Variants in JPH1 observed in about 807,000 individuals in gnomAD.
JPH1 encodes the protein junctophilin-1.
JPH1 carries 12 observed loss-of-function variants against 53.6 expected under a neutral mutation model. The ratio of observed to expected loss-of-function variants is 0.22; its 90% CI spans 0.14 to 0.36. The LOEUF (loss-of-function observed/expected upper bound fraction) is 0.36, where lower values mean the gene tolerates loss of function less well. Among genes scored for constraint, JPH1 ranks in the 10% least tolerant of loss-of-function variants. The pLI is 1.00. For missense variants in JPH1, 808 were observed against 905.5 expected (o/e 0.89, Z 1.38); for synonymous variants, 375 against 363.8 (o/e 1.03, Z -0.35).
chr8:74,252,999 C>T (rs1806111136), intron 3 of JPH1, among the ~76,000 whole-genome samples: 1 of 152,034 alleles, frequency 6.6e-6, no homozygotes, highest in Admixed American at 6.6e-5. Flanking sequence ...AGAAAGTCAA[C>T]AAGGATACCC....
rs1312461238 is a variant in JPH1, at chr8:74,320,118, C to T, written c.379+791G>A. On this transcript the variant is annotated intron_variant, in intron 1 of 5. Coordinates refer to ENST00000342232, the MANE Select transcript of JPH1 (RefSeq NM_020647.4). This position sits in a 1 kb window ranked among gnomAD's most constrained non-coding sequence, Gnocchi z 4.4. The stretch of plus-strand genomic sequence containing the variant: ...TGCTAACTTAGCAGCTATAGGAACA[C>T]ACCTGCTAATTGTATTCTTTAAAAT... Among the ~76,000 whole-genome samples, 1 of 152,210 alleles carries T rather than the reference C, an allele frequency of 6.6e-6. No homozygotes were observed. Among genetic ancestry groups the T allele is most frequent in the African/African-American group, 2.4e-5 (1 of 41,458 alleles).
At position 74,264,393 on chromosome 8, in the gene JPH1, CA is replaced by C. The variant is rs1447938743; in HGVS notation, c.1140-4891del. Among the ~76,000 whole-genome samples, 5 of 152,242 alleles carry C rather than the reference CA, an allele frequency of 3.3e-5. No individual in the cohort carries two copies. The East Asian group carries it at 9.6e-4, about 29-fold the overall frequency. ...CCTGGTTTAAAACAAGTTATATCAC[CA>C]GTGAATAAGTTGTCCTCTTTGCCAA... On this transcript the variant is annotated intron_variant, in intron 2 of 5. Transcript: ENST00000342232.
At position 74,273,897 on chromosome 8, in the gene JPH1, G is replaced by C. The variant is rs79490384; in HGVS notation, c.1140-14394C>G. On this transcript the variant is annotated intron_variant, in intron 2 of 5. Coordinates refer to ENST00000342232, the MANE Select transcript of JPH1 (RefSeq NM_020647.4). ...TTATGAAGGAGGTGTCTTATCTTCT[G>C]TTGTTACTTGAGCCTCTACAACCTC... Among the ~76,000 whole-genome samples the C allele has an allele frequency of 1.1e-3, 161 of 152,214 alleles. 1 individual carries two copies. The highest frequency in any genetic ancestry group is 9.0e-3 in the Admixed American group (137 of 15,284).
chr8:74,264,643 A>G (rs1318923386), intron 2 of JPH1, among the ~76,000 whole-genome samples: 1 of 152,220 alleles, frequency 6.6e-6, no homozygotes, highest in Non-Finnish European at 1.5e-5. Flanking sequence ...TGAAAGTATT[A>G]ATAGCCACAG....
At chr8:74,265,974 C>T (rs768797199) in intron 2 of JPH1, among the ~76,000 whole-genome samples, 3 of 150,672 alleles carry the variant, frequency 2.0e-5, no homozygotes, top group East Asian at 1.9e-4. Context: ...GAATAACAAG[C>T]GTTAGCAAGG....
rs759257064 is a variant in JPH1, at chr8:74,320,871, G to A, written c.379+38C>T. The A allele has an allele frequency of 3.4e-6, 5 of 1,478,900 alleles. No homozygotes were observed. Among genetic ancestry groups the A allele is most frequent in the Admixed American group, 4.9e-5 (2 of 41,156 alleles). The allele number at this position is 1,478,900 out of a possible 1,614,324, so 91.6% of individuals were successfully genotyped here. A position where few individuals can be genotyped will look rare whatever the true frequency, so the allele number is the denominator to read the frequency against. On this transcript the variant is annotated intron_variant, in intron 1 of 5. Coordinates refer to ENST00000342232, the MANE Select transcript of JPH1 (RefSeq NM_020647.4). The surrounding 1 kb of genome is among the most constrained non-coding windows in gnomAD (Gnocchi z 4.4). ...AGCCGGGGCAGAGCCCACCGCACCA[G>A]CTCGCGGAGCAGCCGAGCCGCCCGT...
chr8:74,309,752 T>C (rs16938866), intron 2 of JPH1, among the ~76,000 whole-genome samples: 4,450 of 152,212 alleles, frequency 0.029, 233 homozygotes, highest in African/African-American at 0.1. Context: ...GAATGAAAAC[T>C]GAATGCCTAA....
At chr8:74,298,855 G>T (rs758212119) in intron 2 of JPH1, among the ~76,000 whole-genome samples, 1 of 152,154 alleles carries the variant, frequency 6.6e-6, no homozygotes, top group Non-Finnish European at 1.5e-5. Flanking sequence ...GTAGAATGAA[G>T]GCACGAGAGA....
chr8:74,289,775 A>G (rs575063135), intron 2 of JPH1, among the ~76,000 whole-genome samples: 130 of 152,346 alleles, frequency 8.5e-4, no homozygotes, highest in African/African-American at 2.9e-3. Flanking sequence ...AGTTTTTAGC[A>G]TGAAGGGCTG....
Position 74,315,143 on chromosome 8 carries a change from T to C in JPH1, c.857A>G (p.Lys286Arg). The change falls in exon 2 of 6, where the codon AAG becomes AGG. Residue 286 changes from lysine (K) to arginine (R), a missense_variant. Lys to Arg is a conservative substitution (Grantham distance 26). Transcript: ENST00000342232. This position sits in a 1 kb window ranked among gnomAD's most constrained non-coding sequence, Gnocchi z 6.3. ...TTTETYMGEW[K>R]NDKRNGFGVS... ...GCCGAAGCCGTTGCGCTTGTCGTTC[T>C]TCCACTCGCCCATGTAGGTTTCCGT... The C allele has an allele frequency of 6.2e-7, 1 of 1,614,246 alleles. No individual in the cohort carries two copies. Among genetic ancestry groups the C allele is most frequent in the South Asian group, 1.1e-5 (1 of 91,086 alleles).
chr8:74,245,980 C>T (rs2131378653), intron 3 of JPH1, among the ~76,000 whole-genome samples: 1 of 149,078 alleles, frequency 6.7e-6, no homozygotes, highest in Non-Finnish European at 1.5e-5. Flanking sequence ...TATAAAGAAA[C>T]AGAGTGTGTG....
At chr8:74,306,734 T>TAGG (rs1807846282) in intron 2 of JPH1, among the ~76,000 whole-genome samples, 1 of 151,926 alleles carries the variant, frequency 6.6e-6, no homozygotes, top group African/African-American at 2.4e-5. Context: ...GTAGCTGGGA[T>TAGG]TACAGGTGCC....
At chr8:74,255,566 G>A (rs1806196403) in intron 3 of JPH1, among the ~76,000 whole-genome samples, 1 of 152,080 alleles carries the variant, frequency 6.6e-6, no homozygotes, top group Admixed American at 6.5e-5. Context: ...AAACTCAAGA[G>A]CTTCTGCACA....
In JPH1 at chr8:74,321,012, C is replaced by A. The variant is rs778461577; in HGVS notation, c.276G>T (p.Gly92=). 6.2e-7 allele frequency: 1 copy of A among 1,612,926 alleles called. No homozygotes were observed. ...ACAGGCTCTGCCGGACCCCGTAGCGCCCCTTGAAACCATGTGACCACTCCC... is the reference window on the plus strand; with the variant it reads ...ACAGGCTCTGCCGGACCCCGTAGCGACCCTTGAAACCATGTGACCACTCCC... ...YRGEWSHGFK[G]RYGVRQSLCT... Residue 92 remains glycine (G), a synonymous_variant, in exon 1 of 6, where the codon GGG becomes GGT. Transcript: ENST00000342232. The surrounding 1 kb of genome is among the most constrained non-coding windows in gnomAD (Gnocchi z 4.3).
rs560553418 is a variant in JPH1, at chr8:74,278,316, G to A, written c.1140-18813C>T. 5.2e-4 allele frequency among the ~76,000 whole-genome samples: 79 copies of A among 152,244 alleles called. No homozygotes were observed. In the South Asian group the frequency reaches 0.016, roughly 31 times the overall value. ...CCTTGCCTTCCACCATGATTGTGAGGCTTCCCCAGCCATGTGGAACTGTAA... is the reference window on the plus strand; with the variant it reads ...CCTTGCCTTCCACCATGATTGTGAGACTTCCCCAGCCATGTGGAACTGTAA... On this transcript the variant is annotated intron_variant, in intron 2 of 5. Coordinates refer to ENST00000342232, the MANE Select transcript of JPH1 (RefSeq NM_020647.4).
intron 2 of JPH1, among the ~76,000 whole-genome samples, chr8:74,312,824 A>G (rs184724921): frequency 2.4e-4 from 36 of 152,146 alleles, no homozygotes; most frequent in Middle Eastern, 3.4e-3. Context: ...TTTCATTTGC[A>G]TAATGAATTA....
intron 2 of JPH1, among the ~76,000 whole-genome samples, chr8:74,287,619 TCAC>T (rs1468216805): frequency 3.9e-5 from 6 of 152,014 alleles, no homozygotes; most frequent in Non-Finnish European, 8.8e-5. Context: ...TTTGAGAAGG[TCAC>T]TAAATTGCAT....
intron 3 of JPH1, among the ~76,000 whole-genome samples, chr8:74,249,046 A>G (rs972832146): frequency 1.3e-5 from 2 of 152,202 alleles, no homozygotes; most frequent in Non-Finnish European, 2.9e-5. Context: ...CTGCCACACA[A>G]TGTGAAAAAA....
chr8:74,312,848 T>C (rs1055393256), intron 2 of JPH1, among the ~76,000 whole-genome samples: 1 of 152,226 alleles, frequency 6.6e-6, no homozygotes, highest in Non-Finnish European at 1.5e-5. Flanking sequence ...ATTTTAAACA[T>C]AGCTAAGTAA....
Sources: allele counts gnomAD v4.1 joint callset (sites outside exome capture counted in the v4.1 genomes callset), GRCh38; gene constraint gnomAD v4.1.1; non-coding constraint Gnocchi (gnomAD v3.1); transcripts MANE v1.5; gene names NCBI Gene and HGNC (gene_info 2026-07-23, HGNC 2026-07-21).